PANX2: variants seen among roughly 807,000 people sequenced by gnomAD.
PANX2 encodes pannexin 2.
In PANX2, 30 loss-of-function variants were observed where a neutral mutation model predicts 38.7. The observed-to-expected ratio is 0.78, with a 90% CI of 0.58 to 1.05. The LOEUF (loss-of-function observed/expected upper bound fraction) is 1.05, where lower values mean the gene tolerates loss of function less well. PANX2 is among the 50% of genes least tolerant of loss of function. The probability of loss-of-function intolerance (pLI) is 0.00; values close to 1 mark genes in which losing one functional copy is unlikely to be tolerated. For synonymous variants in PANX2, 539 were observed against 472.1 expected, an observed-to-expected ratio of 1.14 and a Z score of -1.84; for missense variants, 880 against 979.3, an observed-to-expected ratio of 0.90 and a Z score of 1.35.
chr22:50,178,063 C>G lies in PANX2; in HGVS notation c.1351C>G (p.Arg451Gly). 1 of 1,554,028 alleles carries G rather than the reference C, an allele frequency of 6.4e-7. No homozygotes were observed. Among genetic ancestry groups the G allele is most frequent in the Non-Finnish European group, 8.6e-7 (1 of 1,157,452 alleles). The change falls in exon 2 of 3, where the codon CGC (arginine) becomes GGC (glycine). Residue 451 changes from arginine (R) to glycine (G), a missense_variant. Physicochemically the swap from Arg to Gly is moderately radical, Grantham distance 125. This residue lies in a region of PANX2 where 445 missense variants were observed against 404.3 expected (regional missense o/e 1.10). Coordinates refer to ENST00000395842, the MANE Select transcript of PANX2 (RefSeq NM_052839.4). ...QPFKEPLAIM[R>G]VENSKAEKPK... is the part of the protein sequence containing the mutation. ...CTTCAAGGAGCCGCTGGCCATCATG[C>G]GCGTGGAGAACAGCAAGGCGGAGAA...
Position 50,177,007 on chromosome 22 carries a change from T to A in PANX2, c.295T>A (p.Cys99Ser), listed in dbSNP as rs1200321173. The A allele has an allele frequency of 6.2e-7, 1 of 1,601,426 alleles. No homozygotes were observed. The highest frequency in any genetic ancestry group is 8.5e-7 in the Non-Finnish European group (1 of 1,176,824). Residue 99 changes from cysteine to serine, a missense_variant, in exon 2 of 3, where the codon TGC (cysteine) becomes AGC (serine). Coordinates refer to ENST00000395842, the MANE Select transcript of PANX2 (RefSeq NM_052839.4). ...CCAGGCGCTGTACGCCCGCGGCTAC[T>A]GCTGGACGGAGCTGCGGGACGCGCT... ...RDQALYARGY[C>S]WTELRDALPG...
At chr22:50,176,723 A>C (rs1382745784) in intron 1 of PANX2, among the ~76,000 whole-genome samples, 1 of 152,234 alleles carries the variant, frequency 6.6e-6, no homozygotes, top group East Asian at 1.9e-4. Context: ...GGTGCCCCGC[A>C]GCTGACCTCG....
rs374911171 is a variant in PANX2, at chr22:50,177,825, C to A, written c.1113C>A (p.Ser371Arg). Residue 371 changes from serine (S) to arginine (R), a missense_variant, in exon 2 of 3, where the codon AGC becomes AGA. Ser to Arg is a moderately radical substitution (Grantham distance 110). Transcript: ENST00000395842. Reference sequence around the variant, plus strand: ...GGCTGGACTTCATCACCAACGAGAGCGACCTCATGTACGACAACGTGGTCC... The same window carrying A: ...GGCTGGACTTCATCACCAACGAGAGAGACCTCATGTACGACAACGTGGTCC... ...LNRLDFITNE[S>R]DLMYDNVVRQ... 4 of 1,599,318 alleles carry A rather than the reference C, an allele frequency of 2.5e-6. No individual in the cohort carries two copies. The African/African-American group carries it at 5.3e-5, about 21-fold the overall frequency.
At position 50,178,096 on chromosome 22, in the gene PANX2, C is replaced by T; in HGVS notation, c.1384C>T (p.Pro462Ser). ...GAACAGCAAGGCGGAGAAGCCGAAG[C>T]CCGCGCGCAGGAAGACGGCCACGGA... ...VENSKAEKPKPARRKTATDTL... is the reference protein window; with the variant it reads ...VENSKAEKPKSARRKTATDTL... Residue 462 changes from proline (P) to serine (S), a missense_variant, in exon 2 of 3, where the codon CCC becomes TCC. Pro to Ser is a moderately conservative substitution (Grantham distance 74). Transcript: ENST00000395842. 2 of 1,549,574 alleles carry T rather than the reference C, an allele frequency of 1.3e-6. No homozygotes were observed. The highest frequency in any genetic ancestry group is 1.7e-6 in the Non-Finnish European group (2 of 1,156,476).
chr22:50,174,189 C>T (rs933508155), intron 1 of PANX2, among the ~76,000 whole-genome samples: 2 of 152,104 alleles, frequency 1.3e-5, no homozygotes, highest in African/African-American at 2.4e-5. Context: ...GGAGAGGTGT[C>T]CCCACTCCCC....
Position 50,177,977 on chromosome 22 carries a change from T to C in PANX2, c.1265T>C (p.Val422Ala), listed in dbSNP as rs1371683252. Residue 422 changes from valine (V) to alanine (A), a missense_variant, in exon 2 of 3, where the codon GTG (valine) becomes GCG (alanine). Val to Ala is a moderately conservative substitution (Grantham distance 64). This residue lies in a region of PANX2 where 445 missense variants were observed against 404.3 expected (regional missense o/e 1.10). Transcript: ENST00000395842. ...AEPDGAAEPP[V>A]VKRPRKKMKW... ...CCCGACGGCGCCGCCGAGCCGCCCG[T>C]GGTCAAGCGGCCGCGCAAGAAGATG... The C allele has an allele frequency of 3.3e-6, 5 of 1,535,632 alleles. No homozygotes were observed. In the South Asian group the frequency reaches 4.8e-5, roughly 15 times the overall value.
chr22:50,177,004 T>C lies in PANX2; in HGVS notation c.292T>C (p.Tyr98His). 1 of 1,597,196 alleles carries C rather than the reference T, an allele frequency of 6.3e-7. No homozygotes were observed. Among genetic ancestry groups the C allele is most frequent in the Non-Finnish European group, 8.5e-7 (1 of 1,175,306 alleles). The change falls in exon 2 of 3, where the codon TAC (tyrosine) becomes CAC (histidine). Residue 98 changes from tyrosine (Y) to histidine (H), a missense_variant. By Grantham distance (83) the Tyr-to-His change is moderately conservative. This residue lies in a region of PANX2 where 243 missense variants were observed against 333.1 expected (regional missense o/e 0.73). Coordinates refer to ENST00000395842, the MANE Select transcript of PANX2 (RefSeq NM_052839.4). Reference protein sequence around the residue: ...TRDQALYARGYCWTELRDALP... With the variant: ...TRDQALYARGHCWTELRDALP... ...CGACCAGGCGCTGTACGCCCGCGGC[T>C]ACTGCTGGACGGAGCTGCGGGACGC...
chr22:50,179,628 G>C lies in PANX2; in HGVS notation c.*351G>C, dbSNP rs2063687999. 8.1e-6 allele frequency: 2 copies of C among 247,310 alleles called. No individual in the cohort carries two copies. Among genetic ancestry groups the C allele is most frequent in the South Asian group, 9.5e-5 (2 of 21,004 alleles). 15.3% of individuals were successfully genotyped at this position (247,310 alleles called of 1,614,324 possible). On this transcript the variant is annotated 3_prime_UTR_variant, in exon 3 of 3. Coordinates refer to ENST00000395842, the MANE Select transcript of PANX2 (RefSeq NM_052839.4). ...TTTAGTCCGTTTCGTCCTGGCCCCG[G>C]GCTGTGGCGAGACAGCCCAACTCCC...
At chr22:50,173,399 T>A (rs1280463987) in intron 1 of PANX2, among the ~76,000 whole-genome samples, 1 of 152,238 alleles carries the variant, frequency 6.6e-6, no homozygotes, top group African/African-American at 2.4e-5. Flanking sequence ...CAGGAGCCTA[T>A]GGGCTGGTTC....
At position 50,177,568 on chromosome 22, in the gene PANX2, C is replaced by T; in HGVS notation, c.856C>T (p.Leu286=). The T allele has an allele frequency of 6.2e-7, 1 of 1,612,606 alleles. No homozygotes were observed. Residue 286 remains leucine, a synonymous_variant, in exon 2 of 3, where the codon CTG becomes TTG. Coordinates refer to ENST00000395842, the MANE Select transcript of PANX2 (RefSeq NM_052839.4). ...RVSCKLPSVQ[L]QRIIAGVDIV... ...GAGCTGCAAGCTCCCGTCCGTGCAACTGCAGCGCATCATCGCGGGCGTGGA... is the reference window on the plus strand; with the variant it reads ...GAGCTGCAAGCTCCCGTCCGTGCAATTGCAGCGCATCATCGCGGGCGTGGA...
intron 1 of PANX2, chr22:50,175,362 G>T: frequency 1.3e-6 from 1 of 792,894 alleles, no homozygotes; most frequent in Non-Finnish European, 1.8e-6. Context: ...CACATGCCCA[G>T]CAAGGGTGGC....
chr22:50,177,518 C>T lies in PANX2; in HGVS notation c.806C>T (p.Ala269Val). 2 of 1,609,616 alleles carry T rather than the reference C, an allele frequency of 1.2e-6. No individual in the cohort carries two copies. The highest frequency in any genetic ancestry group is 1.7e-6 in the Non-Finnish European group (2 of 1,178,376). The change falls in exon 2 of 3, where the codon GCA becomes GTA. Residue 269 changes from alanine to valine, a missense_variant. Ala to Val is a moderately conservative substitution (Grantham distance 64). Coordinates refer to ENST00000395842, the MANE Select transcript of PANX2 (RefSeq NM_052839.4). ...CTGGGCGCGTCCCCGGACGGGGCGG[C>T]AGGTGCGGGGCCCGCGGTGCGCGTG... ...CALGASPDGA[A>V]GAGPAVRVSC...
chr22:50,170,986 G>A lies in PANX2; in HGVS notation c.226+30G>A, dbSNP rs1464345609. 15 of 1,257,892 alleles carry A rather than the reference G, an allele frequency of 1.2e-5. No individual in the cohort carries two copies. In the East Asian group the frequency reaches 4.4e-4, roughly 37 times the overall value. 77.9% of individuals were successfully genotyped at this position (1,257,892 alleles called of 1,614,324 possible). A position where few individuals can be genotyped will look rare whatever the true frequency, so the allele number is the denominator to read the frequency against. ...GGCCGGCGGCCGGGGCGCGGGGCGC[G>A]GGCAGAGGGGGCGTCCGCAGGTGTC... On this transcript the variant is annotated intron_variant, in intron 1 of 2. Transcript: ENST00000395842.
chr22:50,174,240 C>T (rs574828461), intron 1 of PANX2, among the ~76,000 whole-genome samples: 10 of 152,190 alleles, frequency 6.6e-5, no homozygotes, highest in Admixed American at 2.6e-4. Context: ...TGGGAGGGAC[C>T]CAGCTTCACC....
Position 50,179,322 on chromosome 22 carries a change from G to A in PANX2, c.*45G>A, listed in dbSNP as rs559003835. 27 of 1,544,310 alleles carry A rather than the reference G, an allele frequency of 1.7e-5. No homozygotes were observed. Among genetic ancestry groups the A allele is most frequent in the Admixed American group, 1.2e-4 (7 of 57,572 alleles). On this transcript the variant is annotated 3_prime_UTR_variant, in exon 3 of 3. Transcript: ENST00000395842. Reference sequence around the variant, plus strand: ...CGCCGAGAGCCCCTCTGCCTGTGTCGTGTGGCCTGGCCAGCCTCCCGGTGG... The same window carrying A: ...CGCCGAGAGCCCCTCTGCCTGTGTCATGTGGCCTGGCCAGCCTCCCGGTGG...
chr22:50,173,921 C>A (rs547123595), intron 1 of PANX2, among the ~76,000 whole-genome samples: 1 of 152,290 alleles, frequency 6.6e-6, no homozygotes, highest in East Asian at 1.9e-4. Flanking sequence ...GACCCCCAGC[C>A]TAGGCATGTC....
chr22:50,173,089 G>A (rs867994396), intron 1 of PANX2, among the ~76,000 whole-genome samples: 13 of 152,150 alleles, frequency 8.5e-5, no homozygotes, highest in African/African-American at 2.9e-4. Flanking sequence ...GTAGAGACGG[G>A]GTTTTGCCAT....
rs1437947749 is a variant in PANX2 at position 50,179,293 on chromosome 22, A to G, written c.*16A>G. The G allele has an allele frequency of 1.2e-6, 2 of 1,602,624 alleles. No individual in the cohort carries two copies. The highest frequency in any genetic ancestry group is 1.7e-5 in the Admixed American group (1 of 59,480). On this transcript the variant is annotated 3_prime_UTR_variant, in exon 3 of 3. Transcript: ENST00000395842. Reference sequence around the variant, plus strand: ...GGAGTTTTGAGGGATGGCACCGTCCAGGCCGCCGAGAGCCCCTCTGCCTGT... The same window carrying G: ...GGAGTTTTGAGGGATGGCACCGTCCGGGCCGCCGAGAGCCCCTCTGCCTGT...
chr22:50,172,962 T>A (rs1349633484), intron 1 of PANX2, among the ~76,000 whole-genome samples: 1 of 149,606 alleles, frequency 6.7e-6, no homozygotes, highest in Non-Finnish European at 1.5e-5. Context: ...AGTGGCGCGA[T>A]CTCTGCTCAC....
Sources: gnomAD v4.1 joint callset for allele counts (sites outside exome capture counted in the v4.1 genomes callset) on GRCh38, gnomAD v4.1.1 for gene constraint, gnomAD v4.1.1 regional missense constraint, MANE v1.5 for transcripts, NCBI Gene and HGNC (gene_info 2026-07-23, HGNC 2026-07-21) for gene names.